Variants in ANTXRL observed in about 807,000 individuals in gnomAD.
The protein encoded by ANTXRL is anthrax toxin receptor-like.
Under a neutral mutation model 75.4 loss-of-function variants are expected in ANTXRL, and 63 were observed. The observed-to-expected ratio is 0.84, with a 90% CI of 0.68 to 1.03. The LOEUF is 1.03. Among genes scored for constraint, ANTXRL ranks in the 50% least tolerant of loss-of-function variants. ANTXRL has a pLI of 0.00. For missense variants in ANTXRL, 797 were observed against 789.4 expected (o/e 1.01, Z -0.12); for synonymous variants, 335 against 291.3 (o/e 1.15, Z -1.53).
At chr10:46,311,707 G>A (rs1554963611) in intron 15 of ANTXRL, 42 bp downstream of exon 15, 1 of 765,680 alleles carries the variant, frequency 1.3e-6, no homozygotes, top group Non-Finnish European at 2.2e-6. Flanking sequence ...CCCCAGCATG[G>A]GACTGTGGGA....
At chr10:46,311,440 A>G in intron 14 of ANTXRL, 70 bp from the exon 15 acceptor site, 1 of 1,426,190 alleles carries the variant, frequency 7.0e-7, no homozygotes, top group Non-Finnish European at 9.2e-7. Flanking sequence ...TTCCCCAGAC[A>G]CACATCTGGG....
chr10:46,308,708 C>T (rs769600710), intron 12 of ANTXRL: 31 of 334,484 alleles, frequency 9.3e-5, no homozygotes, highest in East Asian at 4.0e-4. Flanking sequence ...GATGTGCCCA[C>T]GGTGCAGAGC....
At chr10:46,315,773 C>A (rs1277999440) in intron 16 of ANTXRL, among the ~76,000 whole-genome samples, 3 of 152,146 alleles carry the variant, frequency 2.0e-5, no homozygotes, top group Non-Finnish European at 4.4e-5. Context: ...TTCAGCAAAT[C>A]CAAACATTTT....
In ANTXRL at chr10:46,329,905, C is replaced by G. The variant is rs1554967300; in HGVS notation, c.1717C>G (p.Pro573Ala). Reference sequence around the variant, plus strand: ...TTCCCAAGCACAGACTCTGTGCAACCCAAAGAGCTGCCTTCAACCCAGCCG... The same window carrying G: ...TTCCCAAGCACAGACTCTGTGCAACGCAAAGAGCTGCCTTCAACCCAGCCG... Reference protein sequence around the residue: ...YFSQAQTLCNPKSCLQPSREC... With the variant: ...YFSQAQTLCNAKSCLQPSREC... The change falls in exon 17 of 17, where the codon CCA (proline) becomes GCA (alanine). Residue 573 changes from proline (P) to alanine (A), a missense_variant. Physicochemically the swap from Pro to Ala is conservative, Grantham distance 27 (BLOSUM62 -1). This residue lies in a region of ANTXRL where 479 missense variants were observed against 422.0 expected (regional missense o/e 1.14). Coordinates refer to ENST00000620264, the MANE Select transcript of ANTXRL (RefSeq NM_001278688.3). 6.5e-7 allele frequency: 1 copy of G among 1,535,930 alleles called. No individual in the cohort carries two copies. The highest frequency in any genetic ancestry group is 2.0e-5 in the Admixed American group (1 of 50,984).
intron 11 of ANTXRL, 54 bp downstream of exon 11, chr10:46,306,926 G>A (rs1245814862): frequency 3.9e-5 from 55 of 1,407,404 alleles, no homozygotes; most frequent in Middle Eastern, 1.8e-4. Context: ...GTCAGGGTTG[G>A]GCACCTTGAG....
At chr10:46,324,510 G>A (rs567752111) in intron 16 of ANTXRL, among the ~76,000 whole-genome samples, 3 of 152,272 alleles carry the variant, frequency 2.0e-5, no homozygotes, top group African/African-American at 7.2e-5. Flanking sequence ...TAGGATGGAA[G>A]TGTTAACAAG....
chr10:46,312,157 C>T (rs1471207812), intron 15 of ANTXRL, among the ~76,000 whole-genome samples: 11 of 150,466 alleles, frequency 7.3e-5, no homozygotes, highest in Non-Finnish European at 4.4e-5. Flanking sequence ...CCTGCCAGCC[C>T]GGGCAGCAGA....
rs1554955435 is a variant in ANTXRL at position 46,287,258 on chromosome 10, A to G, written c.-5A>G. ...GTGAGGTGGGGTCACAGGGACAGCC[A>G]GATAATGGGGAGCCATGAGTCCCTG... On this transcript the variant is annotated 5_prime_UTR_variant, in exon 1 of 17. Transcript: ENST00000620264. 1 of 1,535,600 alleles carries G rather than the reference A, an allele frequency of 6.5e-7. No homozygotes were observed. The highest frequency in any genetic ancestry group is 1.2e-5 in the South Asian group (1 of 84,014).
rs112086846 is a variant in ANTXRL, at chr10:46,301,473, G to A, written c.797-1249G>A. ...TACGAGAGCCAGGCTGGCACCTTGAGCAGGAAGAGTAGGCCAGGCCCAGCT... is the reference window on the plus strand; with the variant it reads ...TACGAGAGCCAGGCTGGCACCTTGAACAGGAAGAGTAGGCCAGGCCCAGCT... On this transcript the variant is annotated intron_variant, in intron 9 of 16. Coordinates refer to ENST00000620264, the MANE Select transcript of ANTXRL (RefSeq NM_001278688.3). Among the ~76,000 whole-genome samples the A allele has an allele frequency of 3.2e-3, 482 of 152,312 alleles. 2 individuals carry two copies. Among genetic ancestry groups the A allele is most frequent in the African/African-American group, 0.011 (463 of 41,558 alleles).
intron 3 of ANTXRL, among the ~76,000 whole-genome samples, chr10:46,295,053 C>A (rs1837284316): frequency 6.6e-6 from 1 of 152,218 alleles, no homozygotes; most frequent in Non-Finnish European, 1.5e-5. Flanking sequence ...AACTGACAGG[C>A]CTCATGCCCC....
chr10:46,314,304 G>T (rs112974198), intron 16 of ANTXRL, among the ~76,000 whole-genome samples: 6,126 of 152,142 alleles, frequency 0.04, 396 homozygotes, highest in African/African-American at 0.14. Context: ...CTGTGCCTCT[G>T]CACAGGGCTC....
chr10:46,323,456 G>A (rs1839073241), intron 16 of ANTXRL, among the ~76,000 whole-genome samples: 1 of 152,142 alleles, frequency 6.6e-6, no homozygotes, highest in African/African-American at 2.4e-5. Context: ...GAGATTAGAA[G>A]ACATCGGGAA....
chr10:46,296,992 CT>C, intron 5 of ANTXRL, among the ~76,000 whole-genome samples: 1 of 152,240 alleles, frequency 6.6e-6, no homozygotes, highest in African/African-American at 2.4e-5. Flanking sequence ...TTCAGGCAGC[CT>C]GGTGTGAAAG....
rs1554963554 is a variant in ANTXRL at position 46,311,630 on chromosome 10, G to T, written c.1294G>T (p.Gly432Ter). The change falls in exon 15 of 17, where the codon GGA (glycine) becomes TGA (stop). Residue 432 changes from glycine (G) to a stop codon, truncating the protein, a stop_gained. Coordinates refer to ENST00000620264, the MANE Select transcript of ANTXRL (RefSeq NM_001278688.3). LOFTEE classifies it high-confidence loss of function. ...CCCCACTGTGATTATTTGTTGCTGTGGATGCCAAGGAGTGGGCGGGATGAG... is the reference window on the plus strand; with the variant it reads ...CCCCACTGTGATTATTTGTTGCTGTTGATGCCAAGGAGTGGGCGGGATGAG... Reference protein sequence around the residue: ...TCPTVIICCCGCQGVGGMRRI... With the variant: ...TCPTVIICCC The T allele has an allele frequency of 7.7e-7, 1 of 1,293,778 alleles. No homozygotes were observed. Among genetic ancestry groups the T allele is most frequent in the East Asian group, 2.5e-5 (1 of 39,790 alleles). The allele number at this position is 1,293,778 out of a possible 1,614,324, so 80.1% of individuals were successfully genotyped here. A position where few individuals can be genotyped will look rare whatever the true frequency, so the allele number is the denominator to read the frequency against.
At chr10:46,305,212 G>C (rs1220548461) in intron 10 of ANTXRL, among the ~76,000 whole-genome samples, 1 of 152,138 alleles carries the variant, frequency 6.6e-6, no homozygotes, top group African/African-American at 2.4e-5. Context: ...CAGCCTGGAG[G>C]TGCAGTTCAG....
intron 10 of ANTXRL, among the ~76,000 whole-genome samples, chr10:46,305,689 G>A (rs1554961715): frequency 6.6e-6 from 1 of 151,996 alleles, no homozygotes; most frequent in Non-Finnish European, 1.5e-5. Context: ...GCTCAGGAGT[G>A]AGAATGTTCC....
chr10:46,324,992 C>T (rs1219133430), intron 16 of ANTXRL, among the ~76,000 whole-genome samples: 2 of 152,148 alleles, frequency 1.3e-5, no homozygotes, highest in Admixed American at 6.6e-5. Context: ...TCGAAACCCT[C>T]ACCACAGAGA....
rs1470542840 is a variant in ANTXRL at position 46,329,692 on chromosome 10, T to A, written c.1504T>A (p.Ser502Thr). ...CTTTCCACACAGCCAGGAGTGCCTT[T>A]CCCTACCACAGGCTCCCTGCAGCCC... The part of the protein sequence containing the change: ...ICFPHSQECL[S>T]LPQAPCSPRM... The change falls in exon 17 of 17, where the codon TCC becomes ACC. Residue 502 changes from serine (S) to threonine (T), a missense_variant. Physicochemically the swap from Ser to Thr is moderately conservative, Grantham distance 58 (BLOSUM62 1). This residue lies in a region of ANTXRL where 479 missense variants were observed against 422.0 expected (regional missense o/e 1.14). Coordinates refer to ENST00000620264, the MANE Select transcript of ANTXRL (RefSeq NM_001278688.3). 2.5e-5 allele frequency: 39 copies of A among 1,536,076 alleles called. 1 individual carries two copies. The highest frequency in any genetic ancestry group is 2.1e-4 in the African/African-American group (15 of 72,968).
chr10:46,300,328 G>A (rs565822706), intron 9 of ANTXRL, among the ~76,000 whole-genome samples: 4 of 152,138 alleles, frequency 2.6e-5, no homozygotes, highest in African/African-American at 9.7e-5. Flanking sequence ...GGCTGCCACT[G>A]AGAAGCCAGG....
Sources: allele counts gnomAD v4.1 joint callset (sites outside exome capture counted in the v4.1 genomes callset), GRCh38; gene constraint gnomAD v4.1.1; regional missense constraint gnomAD v4.1.1; transcripts MANE v1.5; gene names NCBI Gene and HGNC (gene_info 2026-07-23, HGNC 2026-07-21).